The following AKT3 variants were observed in gnomAD, a reference collection of about 807,000 sequenced individuals.
AKT3 encodes the protein AKT serine/threonine kinase 3, also known as RAC-gamma serine/threonine-protein kinase.
Under a neutral mutation model 65.3 loss-of-function variants are expected in AKT3, and 15 were observed. The observed-to-expected ratio is 0.23, with a 90% confidence interval of 0.15 to 0.35. AKT3 has a LOEUF of 0.35. Among genes scored for constraint, AKT3 ranks in the 10% least tolerant of loss-of-function variants. AKT3 has a pLI of 1.00. For synonymous variants in AKT3, 206 were observed against 183.8 expected (o/e 1.12, Z -0.98); for missense variants, 243 against 576.5 (o/e 0.42, Z 5.92).
At chr1:243,593,620 A>C (rs1051833909) in intron 8 of AKT3, among the ~76,000 whole-genome samples, 1 of 152,060 alleles carries the variant, frequency 6.6e-6, no homozygotes, top group Admixed American at 6.6e-5. Context: ...CTGGGAATAA[A>C]CCTGGAAGCT....
At chr1:243,671,376 G>A (rs1448467678) in intron 3 of AKT3, among the ~76,000 whole-genome samples, 9 of 152,196 alleles carry the variant, frequency 5.9e-5, no homozygotes, top group African/African-American at 1.4e-4. Flanking sequence ...CACTGCATCC[G>A]GCCAGATTCC....
At chr1:243,492,927 G>A (rs949933048) in intron 13 of AKT3, among the ~76,000 whole-genome samples, 1 of 152,036 alleles carries the variant, frequency 6.6e-6, no homozygotes, top group Admixed American at 6.6e-5. Context: ...TTAGTTTAGG[G>A]TGACTACAAA....
chr1:243,814,827 T>C (rs1160037692), intron 2 of AKT3: 1 of 152,194 alleles, frequency 6.6e-6, no homozygotes, highest in Non-Finnish European at 1.5e-5. Context: ...CAGTGATGCA[T>C]AAGGCATAGC....
At chr1:243,797,621 T>C (rs758874551) in intron 2 of AKT3, among the ~76,000 whole-genome samples, 36 of 152,248 alleles carry the variant, frequency 2.4e-4, no homozygotes, top group East Asian at 3.9e-4. Context: ...ACCTTTAAAA[T>C]AGATATTCTC....
rs540017745 is a variant in AKT3 at position 243,849,789 on chromosome 1, C to T, written c.-113+251G>A. Among the ~76,000 whole-genome samples, 177 of 151,976 alleles carry T rather than the reference C, an allele frequency of 1.2e-3. 1 individual carries two copies. The highest frequency in any genetic ancestry group is 2.8e-3 in the African/African-American group (118 of 41,504). The stretch of plus-strand genomic sequence containing the variant: ...GCGCACCGCCGCCCCCCAGCTTTCC[C>T]CGGAAAGCGGGGGGTGTCGGTGTCA... On this transcript the variant is annotated intron_variant, in intron 1 of 13. Coordinates refer to ENST00000673466, the MANE Select transcript of AKT3 (RefSeq NM_005465.7).
At chr1:243,523,260 AACACACACACACACACAC>A (rs547403507) in intron 12 of AKT3, among the ~76,000 whole-genome samples, 12 of 126,402 alleles carry the variant, frequency 9.5e-5, no homozygotes, top group South Asian at 3.0e-4. Flanking sequence ...AAAAAGGACG[AACACACACACACACACAC>A]ACACACACAC....
intron 5 of AKT3, among the ~76,000 whole-genome samples, chr1:243,644,315 A>G (rs1452207838): frequency 6.6e-6 from 1 of 152,164 alleles, no homozygotes; most frequent in Non-Finnish European, 1.5e-5. Flanking sequence ...TTCAATTGAT[A>G]ATAAAGCTTG....
At chr1:243,681,295 T>G (rs1683903521) in intron 3 of AKT3, among the ~76,000 whole-genome samples, 1 of 152,154 alleles carries the variant, frequency 6.6e-6, no homozygotes, top group Admixed American at 6.6e-5. Context: ...CAACAAGTGG[T>G]AATTTATTAC....
chr1:243,735,595 AC>A (rs1687797038), intron 2 of AKT3: 2 of 152,192 alleles, frequency 1.3e-5, no homozygotes, highest in Admixed American at 1.3e-4. Context: ...ATTAGAGACT[AC>A]TGTAACATAC....
rs1334434731 is a variant in AKT3, at chr1:243,641,273, T to TATAC, written c.430-3532_430-3531insGTAT. Among the ~76,000 whole-genome samples the TATAC allele has an allele frequency of 3.9e-3, 569 of 144,722 alleles. 5 individuals are homozygous for TATAC. Among genetic ancestry groups the TATAC allele is most frequent in the African/African-American group, 0.012 (462 of 37,298 alleles). 94.9% of individuals were successfully genotyped at this position (144,722 alleles called of 152,430 possible). ...ATGTGTGTGTGTATATATATATATA[T>TATAC]ACACACACACACACACGCACACACA... On this transcript the variant is annotated intron_variant, in intron 5 of 13. Transcript: ENST00000673466.
chr1:243,711,485 T>G (rs1056381917), intron 2 of AKT3, among the ~76,000 whole-genome samples: 6 of 152,182 alleles, frequency 3.9e-5, no homozygotes. Context: ...TATCCCTAAA[T>G]AAACATAAGG....
At chr1:243,490,680 C>T (rs1662704365) in intron 13 of AKT3, among the ~76,000 whole-genome samples, 1 of 152,258 alleles carries the variant, frequency 6.6e-6, no homozygotes, top group Admixed American at 6.5e-5. Context: ...GGCCCTTGGG[C>T]ACACAGGCTG....
intron 2 of AKT3, among the ~76,000 whole-genome samples, chr1:243,796,241 T>C (rs6672195): frequency 0.51 from 77,122 of 152,120 alleles, 23,662 homozygotes; most frequent in Non-Finnish European, 0.68. Flanking sequence ...GATTAGGAAA[T>C]AAGAAGAGAT....
chr1:243,778,380 T>G (rs1014141233), intron 2 of AKT3, among the ~76,000 whole-genome samples: 1 of 152,160 alleles, frequency 6.6e-6, no homozygotes, highest in African/African-American at 2.4e-5. Flanking sequence ...TGAGGCCAGC[T>G]TCCCAGAGAA....
At chr1:243,531,265 T>C (rs1671508132) in intron 12 of AKT3, among the ~76,000 whole-genome samples, 1 of 151,944 alleles carries the variant, frequency 6.6e-6, no homozygotes, top group Non-Finnish European at 1.5e-5. Context: ...TAATTTTTTG[T>C]TATTTTTGGT....
Position 243,515,305 on chromosome 1 carries a change from C to T in AKT3, c.1252-2879G>A, listed in dbSNP as rs1670280659. 3.3e-5 allele frequency among the ~76,000 whole-genome samples: 5 copies of T among 151,604 alleles called. No homozygotes were observed. In the South Asian group the frequency reaches 1.0e-3, roughly 31 times the overall value. On this transcript the variant is annotated intron_variant, in intron 12 of 13. Transcript: ENST00000673466. Reference sequence around the variant, plus strand: ...TGATTTAATTTATTTAGGACAAATACTAAGGAGTGGAATGGCTGGGCCGTA... The same window carrying T: ...TGATTTAATTTATTTAGGACAAATATTAAGGAGTGGAATGGCTGGGCCGTA...
chr1:243,661,767 C>A (rs1194339971), intron 4 of AKT3, among the ~76,000 whole-genome samples: 9 of 149,082 alleles, frequency 6.0e-5, no homozygotes, highest in Non-Finnish European at 1.4e-4. Flanking sequence ...AGTGAACAGG[C>A]AACCTACAAA....
intron 8 of AKT3, among the ~76,000 whole-genome samples, chr1:243,575,034 G>T (rs968068257): frequency 2.2e-4 from 33 of 152,062 alleles, no homozygotes; most frequent in Admixed American, 2.1e-3. Context: ...TTAAGGGTAA[G>T]AATTTACTTC....
At chr1:243,686,160 C>A (rs992075400) in intron 3 of AKT3, among the ~76,000 whole-genome samples, 7 of 152,082 alleles carry the variant, frequency 4.6e-5, no homozygotes, top group Non-Finnish European at 1.0e-4. Flanking sequence ...GGATCAATAT[C>A]GTGAAAATGG....
Sources: allele counts gnomAD v4.1 joint callset (sites outside exome capture counted in the v4.1 genomes callset), GRCh38; gene constraint gnomAD v4.1.1; transcripts MANE v1.5; gene names NCBI Gene and HGNC (gene_info 2026-07-23, HGNC 2026-07-21).